FIGLA: variants seen among roughly 807,000 people sequenced by gnomAD.
FIGLA encodes the protein factor in the germline alpha.
A neutral mutation model predicts 21.5 loss-of-function variants in FIGLA; 17 were observed. The ratio of observed to expected loss-of-function variants is 0.79; its 90% CI spans 0.54 to 1.19. FIGLA has a LOEUF of 1.19. Among genes scored for constraint, FIGLA ranks in the 50% most tolerant of loss-of-function variants. The pLI, the probability that FIGLA is intolerant of heterozygous loss-of-function variation, is 0.00. For synonymous variants in FIGLA, 129 were observed against 117.6 expected (o/e 1.10, Z -0.63); for missense variants, 282 against 285.0 (o/e 0.99, Z 0.08).
intron 1 of FIGLA, among the ~76,000 whole-genome samples, chr2:70,788,233 G>A (rs1675992263): frequency 1.3e-5 from 2 of 152,140 alleles, no homozygotes; most frequent in Non-Finnish European, 2.9e-5. Flanking sequence ...AGCTTTTTGG[G>A]GGGTGTGATT....
At chr2:70,783,361 T>C (rs1011145208) in intron 3 of FIGLA, among the ~76,000 whole-genome samples, 1 of 152,270 alleles carries the variant, frequency 6.6e-6, no homozygotes, top group South Asian at 2.1e-4. Flanking sequence ...TGGCTTTTAC[T>C]AGGAAACGTT....
At chr2:70,790,011 G>A (rs1414493548) in intron 1 of FIGLA, among the ~76,000 whole-genome samples, 11 of 152,166 alleles carry the variant, frequency 7.2e-5, no homozygotes, top group African/African-American at 2.7e-4. Context: ...AGGAGCGAAG[G>A]GGATCCCTGC....
intron 3 of FIGLA, among the ~76,000 whole-genome samples, chr2:70,783,177 C>T (rs1675887789): frequency 1.3e-5 from 2 of 152,242 alleles, no homozygotes; most frequent in South Asian, 4.1e-4. Flanking sequence ...CCTCAGAAGT[C>T]ATACTTGACA....
chr2:70,788,085 G>A (rs1308751135), intron 1 of FIGLA, among the ~76,000 whole-genome samples: 7 of 152,182 alleles, frequency 4.6e-5, no homozygotes, highest in Non-Finnish European at 1.0e-4. Context: ...ATCATAATGC[G>A]GAGGCAGTAG....
chr2:70,782,577 C>A (rs6546630), intron 3 of FIGLA, among the ~76,000 whole-genome samples: 63,967 of 152,152 alleles, frequency 0.42, 16,716 homozygotes, highest in African/African-American at 0.76. Context: ...GCGGTAACGC[C>A]GCAACATTAA....
intron 3 of FIGLA, among the ~76,000 whole-genome samples, chr2:70,779,784 G>T (rs1675821695): frequency 6.6e-6 from 1 of 152,158 alleles, no homozygotes; most frequent in Non-Finnish European, 1.5e-5. Flanking sequence ...ATTGAGGGTG[G>T]TCTTTGTCTA....
intron 3 of FIGLA, among the ~76,000 whole-genome samples, chr2:70,778,982 T>C (rs1675809710): frequency 6.6e-6 from 1 of 152,188 alleles, no homozygotes; most frequent in Middle Eastern, 3.2e-3. Flanking sequence ...TCCCTGTTCC[T>C]ATGATAATCT....
intron 3 of FIGLA, among the ~76,000 whole-genome samples, chr2:70,783,224 C>T (rs536709778): frequency 7.9e-5 from 12 of 152,248 alleles, no homozygotes; most frequent in Admixed American, 2.0e-4. Flanking sequence ...TCTCAAACGT[C>T]GAGTCTTCCT....
chr2:70,783,923 CA>C (rs111647095), intron 3 of FIGLA, among the ~76,000 whole-genome samples: 4,895 of 152,194 alleles, frequency 0.032, 268 homozygotes, highest in African/African-American at 0.11. Context: ...CTCCTGACCT[CA>C]GGTGATCCGC....
intron 3 of FIGLA, 80 bp downstream of exon 3, chr2:70,785,335 A>C: frequency 1.7e-6 from 2 of 1,162,590 alleles, no homozygotes; most frequent in Admixed American, 2.1e-5. Flanking sequence ...ATGTTTTAGC[A>C]TGGAAAAATG....
chr2:70,787,705 C>T lies in FIGLA; in HGVS notation c.328G>A (p.Ala110Thr), dbSNP rs782422846. ...CTGAGAACCTGTATATATTCAGTCG[C>T]ACCTTTAAGGATATCAACTTTGCTG... is the stretch of plus-strand genomic sequence containing the variant. ...KPSKVDILKG[A>T]TEYIQVLSDL... The change falls in exon 2 of 5, where the codon GCG (alanine) becomes ACG (threonine). Residue 110 changes from alanine to threonine, a missense_variant. Physicochemically the swap from Ala to Thr is moderately conservative, Grantham distance 58. Transcript: ENST00000332372. 1 of 1,606,648 alleles carries T rather than the reference C, an allele frequency of 6.2e-7. No individual in the cohort carries two copies.
chr2:70,781,472 A>G (rs1287673945), intron 3 of FIGLA, among the ~76,000 whole-genome samples: 1 of 152,240 alleles, frequency 6.6e-6, no homozygotes, highest in Non-Finnish European at 1.5e-5. Flanking sequence ...GATAGTATAT[A>G]ATAATCCACT....
intron 3 of FIGLA, 133 bp from the exon 4 acceptor site, chr2:70,777,804 C>T (rs1351258173): frequency 2.1e-5 from 10 of 479,068 alleles, no homozygotes; most frequent in Non-Finnish European, 3.8e-5. Flanking sequence ...CATAAACATG[C>T]CAGTGATAGA....
At chr2:70,779,121 C>T (rs1392625762) in intron 3 of FIGLA, among the ~76,000 whole-genome samples, 1 of 152,210 alleles carries the variant, frequency 6.6e-6, no homozygotes, top group Non-Finnish European at 1.5e-5. Flanking sequence ...GTCGCCGGAG[C>T]AGCTTTTCCT....
intron 4 of FIGLA, 125 bp from the exon 5 acceptor site, chr2:70,777,507 C>A (rs1675780806): frequency 2.1e-6 from 3 of 1,409,914 alleles, no homozygotes; most frequent in African/African-American, 2.9e-5. Context: ...AAAGATACTA[C>A]TTTTTTACCC....
At chr2:70,789,087 T>C (rs958333814) in intron 1 of FIGLA, among the ~76,000 whole-genome samples, 5 of 152,042 alleles carry the variant, frequency 3.3e-5, no homozygotes, top group Admixed American at 6.6e-5. Flanking sequence ...CTTAAGAATA[T>C]AAGAAAATGC....
intron 2 of FIGLA, 112 bp from the exon 3 acceptor site, chr2:70,785,751 G>T: frequency 1.3e-6 from 1 of 792,568 alleles, no homozygotes. Context: ...AATGATAAGG[G>T]CAATGCTTAA....
rs1163581422 is a variant in FIGLA at position 70,777,352 on chromosome 2, G to A, written c.*15C>T. 1 of 1,488,474 alleles carries A rather than the reference G, an allele frequency of 6.7e-7. No homozygotes were observed. The allele number at this position is 1,488,474 out of a possible 1,614,324, so 92.2% of individuals were successfully genotyped here. ...TTATTTGTCTCTAGAAGGTAACCCT[G>A]GGCCTTTTCATTTTTCATACTTGTG... On this transcript the variant is annotated 3_prime_UTR_variant, in exon 5 of 5. Coordinates refer to ENST00000332372, the MANE Select transcript of FIGLA (RefSeq NM_001004311.3).
Position 70,787,763 on chromosome 2 carries a change from T to A in FIGLA, c.270A>T (p.Ala90=). The part of the protein sequence containing the change: ...NLNRGFARLK[A]LVPFLPQSRK... ...TGCTTTGGGGAAGAAATGGCACAAGTGCCTTCAATCTGGCAAAACCACGGT... is the reference window on the plus strand; with the variant it reads ...TGCTTTGGGGAAGAAATGGCACAAGAGCCTTCAATCTGGCAAAACCACGGT... Residue 90 remains alanine (A), a synonymous_variant, in exon 2 of 5, where the codon GCA becomes GCT. Transcript: ENST00000332372. The A allele has an allele frequency of 6.2e-7, 1 of 1,613,234 alleles. No individual in the cohort carries two copies. Among genetic ancestry groups the A allele is most frequent in the Non-Finnish European group, 8.5e-7 (1 of 1,179,692 alleles).
Sources: allele counts gnomAD v4.1 joint callset (sites outside exome capture counted in the v4.1 genomes callset), GRCh38; gene constraint gnomAD v4.1.1; transcripts MANE v1.5; gene names NCBI Gene and HGNC (gene_info 2026-07-23, HGNC 2026-07-21).